Variants in GRIK4 observed in about 807,000 individuals in gnomAD.
The protein encoded by GRIK4 is glutamate ionotropic receptor kainate type subunit 4, also known as glutamate receptor ionotropic, kainate 4.
A neutral mutation model predicts 104.9 loss-of-function variants in GRIK4; 40 were observed. The observed-to-expected ratio is 0.38, with a 90% confidence interval of 0.30 to 0.50. GRIK4 has a LOEUF of 0.50. Ranked by LOEUF, GRIK4 falls within the 20% of genes least tolerant of loss-of-function variation. The pLI, the probability that GRIK4 is intolerant of heterozygous loss-of-function variation, is 0.93. For missense variants in GRIK4, 1,047 were observed against 1,308.1 expected (o/e 0.80, Z 3.08); for synonymous variants, 485 against 524.9 (o/e 0.92, Z 1.04).
intron 13 of GRIK4, among the ~76,000 whole-genome samples, chr11:120,930,529 C>CA (rs909672544): frequency 6.6e-6 from 1 of 152,080 alleles, no homozygotes; most frequent in African/African-American, 2.4e-5. Flanking sequence ...TCATAGGTGG[C>CA]AGAGTTGGAG....
chr11:120,746,442 G>A (rs1951439463), intron 3 of GRIK4, among the ~76,000 whole-genome samples: 1 of 152,150 alleles, frequency 6.6e-6, no homozygotes, highest in Non-Finnish European at 1.5e-5. Context: ...AGGTGGGACA[G>A]GTAGATAGGT....
chr11:120,613,438 G>A (rs1949062932), intron 1 of GRIK4, among the ~76,000 whole-genome samples: 1 of 152,210 alleles, frequency 6.6e-6, no homozygotes, highest in African/African-American at 2.4e-5. Context: ...CAAAGCTCTT[G>A]ATAAGAGCTA....
At chr11:120,919,753 T>C (rs965123526) in intron 13 of GRIK4, among the ~76,000 whole-genome samples, 3 of 152,052 alleles carry the variant, frequency 2.0e-5, no homozygotes, top group African/African-American at 4.8e-5. Context: ...GTGGTGGTGA[T>C]GGATTCAACA....
intron 1 of GRIK4, among the ~76,000 whole-genome samples, chr11:120,568,505 A>G (rs1345899962): frequency 1.3e-5 from 2 of 151,814 alleles, no homozygotes; most frequent in African/African-American, 4.8e-5. Context: ...CCCCTGCTTC[A>G]GCCTCCCAGG....
chr11:120,588,304 T>C (rs978769136), intron 1 of GRIK4, among the ~76,000 whole-genome samples: 2 of 152,130 alleles, frequency 1.3e-5, no homozygotes, highest in African/African-American at 4.8e-5. Flanking sequence ...AGTGGGAGTT[T>C]TAGGAAGAGG....
chr11:120,911,281 C>T (rs1287700715), intron 13 of GRIK4, among the ~76,000 whole-genome samples: 1 of 150,356 alleles, frequency 6.7e-6, no homozygotes, highest in African/African-American at 2.4e-5. Context: ...CTCTGTCACC[C>T]AGGCTGGAGT....
chr11:120,633,655 GA>G (rs1280918051), intron 1 of GRIK4, among the ~76,000 whole-genome samples: 1 of 152,158 alleles, frequency 6.6e-6, no homozygotes, highest in East Asian at 1.9e-4. Context: ...AGAGGGAAAT[GA>G]AAGCCACAGG....
chr11:120,665,739 T>C (rs1291855651), intron 3 of GRIK4, among the ~76,000 whole-genome samples: 1 of 152,130 alleles, frequency 6.6e-6, no homozygotes, highest in Non-Finnish European at 1.5e-5. Flanking sequence ...GAAAAAAAAG[T>C]CTGCGCGTGT....
chr11:120,585,835 G>A (rs922144720), intron 1 of GRIK4, among the ~76,000 whole-genome samples: 7 of 152,018 alleles, frequency 4.6e-5, no homozygotes, highest in Non-Finnish European at 1.0e-4. Flanking sequence ...TGTGATTTTG[G>A]ATGTGGAACA....
At chr11:120,766,865 G>A (rs570934234) in intron 3 of GRIK4, among the ~76,000 whole-genome samples, 3 of 151,844 alleles carry the variant, frequency 2.0e-5, no homozygotes, top group Non-Finnish European at 4.4e-5. Context: ...CGTTGGTCTC[G>A]CTGGGAGCTG....
chr11:120,844,716 C>T (rs767137412), intron 8 of GRIK4, among the ~76,000 whole-genome samples: 3 of 152,214 alleles, frequency 2.0e-5, no homozygotes, highest in Non-Finnish European at 4.4e-5. Context: ...GACAACTACT[C>T]CATCTGGAAT....
chr11:120,532,972 G>A (rs1947937666), intron 1 of GRIK4, among the ~76,000 whole-genome samples: 2 of 152,192 alleles, frequency 1.3e-5, no homozygotes, highest in Admixed American at 6.5e-5. Context: ...ACATTCCTGA[G>A]TTCAGTACTT....
At chr11:120,830,058 G>A (rs1953379772) in intron 6 of GRIK4, among the ~76,000 whole-genome samples, 1 of 152,100 alleles carries the variant, frequency 6.6e-6, no homozygotes, top group Non-Finnish European at 1.5e-5. Context: ...ACCTGCCACA[G>A]CCTCCAGCTC....
In GRIK4 at chr11:120,844,488, A is replaced by G. The variant is rs142094462; in HGVS notation, c.744+7644A>G. On this transcript the variant is annotated intron_variant, in intron 8 of 20. Coordinates refer to ENST00000527524, the MANE Select transcript of GRIK4 (RefSeq NM_014619.5). ...TGGCCTCCTACATAGTAGGCACTCA[A>G]TAAATATTGTATGAGTGAAGGGAGC... is the stretch of plus-strand genomic sequence containing the variant. Among the ~76,000 whole-genome samples the G allele has an allele frequency of 2.1e-4, 32 of 152,320 alleles. No individual in the cohort carries two copies. The East Asian group carries it at 4.2e-3, about 20-fold the overall frequency.
At chr11:120,626,445 G>C (rs1565579474) in intron 1 of GRIK4, among the ~76,000 whole-genome samples, 1 of 152,196 alleles carries the variant, frequency 6.6e-6, no homozygotes, top group South Asian at 2.1e-4. Context: ...ACCCTTAGAC[G>C]AGAGAGTGGC....
In GRIK4 at chr11:120,956,920, G is replaced by C; in HGVS notation, c.1841G>C (p.Arg614Pro). 1.2e-6 allele frequency: 2 copies of C among 1,612,736 alleles called. No individual in the cohort carries two copies. The highest frequency in any genetic ancestry group is 1.7e-6 in the Non-Finnish European group (2 of 1,179,424). The change falls in exon 16 of 21, where the codon CGC (arginine) becomes CCC (proline). Residue 614 changes from arginine (R) to proline (P), a missense_variant. Physicochemically the swap from Arg to Pro is moderately radical, Grantham distance 103 (BLOSUM62 -2). This residue lies in a region of GRIK4 where 440 missense variants were observed against 652.3 expected (regional missense o/e 0.67). Transcript: ENST00000527524. This position sits in a 1 kb window ranked among gnomAD's most constrained non-coding sequence, Gnocchi z 4.6. ...FMQQGSTIAP[R>P]ALSTRCVSGV... The stretch of plus-strand genomic sequence containing the variant: ...CAGCAAGGCTCCACCATCGCCCCTC[G>C]CGCCTTATCCACCCGCTGTGTCAGT...
At chr11:120,611,426 G>A (rs1012720713) in intron 1 of GRIK4, among the ~76,000 whole-genome samples, 5 of 152,174 alleles carry the variant, frequency 3.3e-5, no homozygotes, top group African/African-American at 7.2e-5. Context: ...TAACGTGTGC[G>A]TGTCTGCATG....
At chr11:120,688,511 C>T (rs1009242781) in intron 3 of GRIK4, among the ~76,000 whole-genome samples, 1 of 152,134 alleles carries the variant, frequency 6.6e-6, no homozygotes, top group Non-Finnish European at 1.5e-5. Context: ...TAACTGTGGG[C>T]CCAGGAAGAA....
At chr11:120,645,121 A>G (rs11217936) in intron 1 of GRIK4, among the ~76,000 whole-genome samples, 5,598 of 131,834 alleles carry the variant, frequency 0.042, 317 homozygotes, top group African/African-American at 0.15. Context: ...ATATGCATAT[A>G]TGGTGTGTAG....
Sources: allele counts gnomAD v4.1 joint callset (sites outside exome capture counted in the v4.1 genomes callset), GRCh38; gene constraint gnomAD v4.1.1; regional missense constraint gnomAD v4.1.1; non-coding constraint Gnocchi (gnomAD v3.1); transcripts MANE v1.5; gene names NCBI Gene and HGNC (gene_info 2026-07-23, HGNC 2026-07-21).